MAF: variants seen among roughly 807,000 people sequenced by gnomAD.
MAF encodes the protein MAF bZIP transcription factor, also known as transcription factor Maf.
In MAF, 10 loss-of-function variants were observed where a neutral mutation model predicts 22.0. The ratio of observed to expected loss-of-function variants is 0.45; its 90% CI spans 0.28 to 0.77. The LOEUF (loss-of-function observed/expected upper bound fraction) is 0.77, where lower values mean the gene tolerates loss of function less well. Ranked by LOEUF, MAF falls within the 30% of genes least tolerant of loss-of-function variation. The pLI, the probability that MAF is intolerant of heterozygous loss-of-function variation, is 0.12. For missense variants in MAF, 544 were observed against 548.4 expected (o/e 0.99, Z 0.08); for synonymous variants, 337 against 255.8 (o/e 1.32, Z -3.03).
chr16:79,501,877 A>G, the MAF span, among the ~76,000 whole-genome samples: 2 of 152,254 alleles, frequency 1.3e-5, no homozygotes, highest in African/African-American at 2.4e-5. Flanking sequence ...GATTGGTGAG[A>G]TATTTATTAG....
the MAF span, among the ~76,000 whole-genome samples, chr16:79,295,423 G>C: frequency 1.3e-5 from 2 of 152,220 alleles, no homozygotes; most frequent in South Asian, 2.1e-4. Context: ...GTGAGGTACA[G>C]AGAAAGCCAG....
At chr16:79,465,680 C>T in the MAF span, among the ~76,000 whole-genome samples, 2 of 152,276 alleles carry the variant, frequency 1.3e-5, no homozygotes, top group East Asian at 1.9e-4. Context: ...TCAGACTGAT[C>T]TGTGTGTACG....
At chr16:79,486,303 C>T in the MAF span, among the ~76,000 whole-genome samples, 3 of 152,038 alleles carry the variant, frequency 2.0e-5, no homozygotes, top group Non-Finnish European at 4.4e-5. Flanking sequence ...TAAAGAAAAC[C>T]AACTTTTTCA....
chr16:79,381,606 C>T, the MAF span, among the ~76,000 whole-genome samples: 4,536 of 152,234 alleles, frequency 0.03, 144 homozygotes, highest in African/African-American at 0.074. Flanking sequence ...CTGGGAGAGT[C>T]GGGCAGGTTT....
chr16:79,421,107 A>G, the MAF span, among the ~76,000 whole-genome samples: 1 of 152,152 alleles, frequency 6.6e-6, no homozygotes, highest in South Asian at 2.1e-4. Flanking sequence ...TTTTATTATT[A>G]GCCGTTGTTA....
the MAF span, among the ~76,000 whole-genome samples, chr16:79,433,321 A>G: frequency 6.6e-6 from 1 of 150,652 alleles, no homozygotes; most frequent in African/African-American, 2.4e-5. Flanking sequence ...GAAAAAAAAG[A>G]GAGTTAGAAG....
the MAF span, among the ~76,000 whole-genome samples, chr16:79,249,936 G>C: frequency 6.6e-6 from 1 of 152,178 alleles, no homozygotes; most frequent in African/African-American, 2.4e-5. Context: ...CTTAATAAAT[G>C]TATGGTAAAT....
chr16:79,386,307 T>C, the MAF span, among the ~76,000 whole-genome samples: 2 of 152,300 alleles, frequency 1.3e-5, no homozygotes, highest in East Asian at 3.9e-4. Flanking sequence ...AATTAGTGGG[T>C]TCCATCTGGG....
the MAF span, among the ~76,000 whole-genome samples, chr16:79,232,015 C>T: frequency 6.6e-6 from 1 of 151,924 alleles, no homozygotes; most frequent in South Asian, 2.1e-4. Flanking sequence ...GGTTTGCCCT[C>T]TTATGACAAT....
At chr16:79,546,994 C>G in the MAF span, among the ~76,000 whole-genome samples, 1 of 152,162 alleles carries the variant, frequency 6.6e-6, no homozygotes, top group East Asian at 1.9e-4. Context: ...GATGACAGAA[C>G]ATTTTAATTC....
At chr16:79,340,269 C>G in the MAF span, among the ~76,000 whole-genome samples, 1 of 151,918 alleles carries the variant, frequency 6.6e-6, no homozygotes, top group African/African-American at 2.4e-5. Context: ...TGCCTGCCTT[C>G]AACACTTTGG....
chr16:79,253,525 G>A, the MAF span, among the ~76,000 whole-genome samples: 2 of 152,106 alleles, frequency 1.3e-5, no homozygotes, highest in African/African-American at 2.4e-5. Context: ...ATGTGCTGCC[G>A]AAGCTAGCAC....
chr16:79,412,124 A>C, the MAF span, among the ~76,000 whole-genome samples: 5 of 152,242 alleles, frequency 3.3e-5, no homozygotes, highest in Non-Finnish European at 7.3e-5. Flanking sequence ...TGAATGAGCC[A>C]GGCCTTAAGA....
the MAF span, among the ~76,000 whole-genome samples, chr16:79,208,344 TA>T: frequency 2.1e-4 from 32 of 151,278 alleles, no homozygotes; most frequent in East Asian, 5.2e-3. Flanking sequence ...TTAGCAACCA[TA>T]TACAACCTAC....
chr16:79,211,328 C>T, the MAF span, among the ~76,000 whole-genome samples: 13 of 152,240 alleles, frequency 8.5e-5, no homozygotes, highest in African/African-American at 2.2e-4. Flanking sequence ...CCTGCCACGA[C>T]GTATTGATAT....
downstream of MAF, among the ~76,000 whole-genome samples, chr16:79,588,858 A>G (rs1163352339): frequency 2.6e-5 from 4 of 152,206 alleles, no homozygotes; most frequent in Non-Finnish European, 4.4e-5. Context: ...TTTAAGCCAG[A>G]TGAAAAAATA....
chr16:79,376,699 C>T, the MAF span, among the ~76,000 whole-genome samples: 7 of 152,060 alleles, frequency 4.6e-5, no homozygotes, highest in Non-Finnish European at 1.0e-4. Context: ...TACAACAGGC[C>T]CTGGTGTGTG....
chr16:79,402,762 C>A, the MAF span, among the ~76,000 whole-genome samples: 2 of 152,124 alleles, frequency 1.3e-5, no homozygotes, highest in African/African-American at 2.4e-5. Flanking sequence ...GGCAATGACG[C>A]TGGATTAGGA....
chr16:79,251,253 T>C, the MAF span, among the ~76,000 whole-genome samples: 5 of 152,170 alleles, frequency 3.3e-5, no homozygotes, highest in Non-Finnish European at 5.9e-5. Context: ...CAAGGACTCA[T>C]TGTTAACTGT....
Sources: allele counts gnomAD v4.1 joint callset (sites outside exome capture counted in the v4.1 genomes callset), GRCh38; gene constraint gnomAD v4.1.1; transcripts MANE v1.5; gene names NCBI Gene and HGNC (gene_info 2026-07-23, HGNC 2026-07-21).